Variants in GARRE1 observed in about 807,000 individuals in gnomAD.
The protein encoded by GARRE1 is granule associated Rac and RHOG effector protein 1.
A neutral mutation model predicts 103.2 loss-of-function variants in GARRE1; 49 were observed. The observed-to-expected ratio is 0.47, with a 90% CI of 0.38 to 0.60. The LOEUF (loss-of-function observed/expected upper bound fraction) is 0.60, where lower values mean the gene tolerates loss of function less well. GARRE1 is among the 20% of genes least tolerant of loss of function. The pLI, the probability that GARRE1 is intolerant of heterozygous loss-of-function variation, is 0.00. For missense variants in GARRE1, 1,199 were observed against 1,370.5 expected, an observed-to-expected ratio of 0.87 and a Z score of 1.98; for synonymous variants, 505 against 532.8, an observed-to-expected ratio of 0.95 and a Z score of 0.72.
At chr19:34,333,863 A>T in intron 8 of GARRE1, 62 bp downstream of exon 8, 3 of 996,858 alleles carry the variant, frequency 3.0e-6, no homozygotes, top group Non-Finnish European at 4.8e-6. Flanking sequence ...CATCTTTGAA[A>T]TGATGGCCTT....
chr19:34,298,605 G>GA (rs2145239038), intron 1 of GARRE1, among the ~76,000 whole-genome samples: 1 of 151,998 alleles, frequency 6.6e-6, no homozygotes, highest in South Asian at 2.1e-4. Context: ...AGCTACTCAG[G>GA]AGGCTGAGGC....
intron 7 of GARRE1, among the ~76,000 whole-genome samples, chr19:34,330,818 G>A (rs1022934975): frequency 2.1e-5 from 3 of 142,448 alleles, no homozygotes; most frequent in South Asian, 4.6e-4. Context: ...ATCTCAACTC[G>A]CCGCCTTCTG....
chr19:34,291,908 G>A (rs943205255), intron 1 of GARRE1, among the ~76,000 whole-genome samples: 1 of 149,426 alleles, frequency 6.7e-6, no homozygotes, highest in Non-Finnish European at 1.5e-5. Context: ...CGCCCAGGCT[G>A]GAGTACAGTG....
chr19:34,313,058 G>A (rs1239097659), intron 2 of GARRE1, among the ~76,000 whole-genome samples: 1 of 152,216 alleles, frequency 6.6e-6, no homozygotes, highest in Non-Finnish European at 1.5e-5. Context: ...GAGATGGGGA[G>A]TAGTGGGGAA....
At chr19:34,283,126 G>A (rs1232994426) in intron 1 of GARRE1, among the ~76,000 whole-genome samples, 2 of 152,190 alleles carry the variant, frequency 1.3e-5, no homozygotes, top group African/African-American at 2.4e-5. Flanking sequence ...CTGACAGTAG[G>A]ACTGCTTGCC....
intron 12 of GARRE1, among the ~76,000 whole-genome samples, 153 bp downstream of exon 12, chr19:34,349,306 A>G (rs891948654): frequency 6.6e-6 from 1 of 152,178 alleles, no homozygotes; most frequent in African/African-American, 2.4e-5. Flanking sequence ...AAGCCTCTGA[A>G]GAGCACCTGC....
chr19:34,340,063 T>G, intron 9 of GARRE1, 71 bp downstream of exon 9: 1 of 1,520,086 alleles, frequency 6.6e-7, no homozygotes, highest in Non-Finnish European at 9.1e-7. Flanking sequence ...CATGTGTGCT[T>G]GTGTCATTGA....
chr19:34,267,962 C>CG (rs1304458864), intron 1 of GARRE1, among the ~76,000 whole-genome samples: 2 of 151,536 alleles, frequency 1.3e-5, no homozygotes, highest in Non-Finnish European at 2.9e-5. Context: ...TTAGTAGAGA[C>CG]GGGGTTTCAC....
rs74177138 is a variant in GARRE1, at chr19:34,333,677, GTTTTTTTT to G, written c.1264-17_1264-10del. ...TCTCTCTGAAAGCTGGTTGTTATTT[GTTTTTTTT>G]TTTTTTTTTCGATCTTAGGTGGTGG... On this transcript the variant is annotated intron_variant, in intron 7 of 13. Transcript: ENST00000299505. The G allele has an allele frequency of 9.0e-4, 610 of 674,526 alleles. 7 individuals are homozygous for G. Among genetic ancestry groups the G allele is most frequent in the East Asian group, 3.1e-3 (113 of 36,664 alleles). The allele number at this position is 674,526 out of a possible 1,614,324, so 41.8% of individuals were successfully genotyped here.
intron 7 of GARRE1, 89 bp downstream of exon 7, chr19:34,330,436 T>C (rs574285383): frequency 5.2e-6 from 7 of 1,337,914 alleles, no homozygotes; most frequent in African/African-American, 4.3e-5. Flanking sequence ...TGTGAAAATA[T>C]TGAATAATTT....
At chr19:34,305,553 C>T (rs1206228554) in intron 2 of GARRE1, among the ~76,000 whole-genome samples, 1 of 152,194 alleles carries the variant, frequency 6.6e-6, no homozygotes, top group East Asian at 1.9e-4. Context: ...TCAGGACATG[C>T]TTGCAGGTAT....
Position 34,342,109 on chromosome 19 carries a change from G to A in GARRE1, c.2175G>A (p.Lys725=). 1 of 1,614,118 alleles carries A rather than the reference G, an allele frequency of 6.2e-7. No homozygotes were observed. The highest frequency in any genetic ancestry group is 8.5e-7 in the Non-Finnish European group (1 of 1,180,020). ...TGGCACCTCAGCAGCAGTCCCCAAA[G>A]CAGCAACAACCTCAAGTCCAATACT... ...PGLAPQQQSP[K]QQQPQVQYYQ... The change falls in exon 10 of 14, where the codon AAG becomes AAA. Residue 725 remains lysine, a synonymous_variant. Coordinates refer to ENST00000299505, the MANE Select transcript of GARRE1 (RefSeq NM_014686.5).
chr19:34,347,076 A>G (rs1051854420), intron 10 of GARRE1, among the ~76,000 whole-genome samples: 1 of 147,576 alleles, frequency 6.8e-6, no homozygotes, highest in Non-Finnish European at 1.5e-5. Context: ...GGTGCACACC[A>G]CCACACCCAA....
intron 2 of GARRE1, among the ~76,000 whole-genome samples, chr19:34,317,790 C>T (rs1208719660): frequency 2.6e-5 from 4 of 152,200 alleles, no homozygotes; most frequent in Middle Eastern, 3.2e-3. Context: ...GGATTGAATG[C>T]GCTAGCCCAT....
intron 7 of GARRE1, among the ~76,000 whole-genome samples, 187 bp from the exon 8 acceptor site, chr19:34,333,517 G>T (rs1238979922): frequency 6.6e-6 from 1 of 152,130 alleles, no homozygotes; most frequent in Non-Finnish European, 1.5e-5. Context: ...TTATTGAAAT[G>T]TTCTTAGTTT....
At chr19:34,264,565 AT>A (rs2073739970) in intron 1 of GARRE1, among the ~76,000 whole-genome samples, 1 of 151,936 alleles carries the variant, frequency 6.6e-6, no homozygotes, top group Non-Finnish European at 1.5e-5. Context: ...TGCCTGGCTA[AT>A]TTTTTGTATT....
Position 34,324,327 on chromosome 19 carries a change from C to G in GARRE1, c.706-3094C>G, listed in dbSNP as rs887913526. On this transcript the variant is annotated intron_variant, in intron 3 of 13. Transcript: ENST00000299505. ...TTTTACTGCACCTTGTGGCTCCTTA[C>G]TGCTCCTGGCACACCCCGTGGACAG... Among the ~76,000 whole-genome samples, 4 of 152,170 alleles carry G rather than the reference C, an allele frequency of 2.6e-5. No homozygotes were observed. In the South Asian group the frequency reaches 8.3e-4, roughly 31 times the overall value.
intron 7 of GARRE1, among the ~76,000 whole-genome samples, chr19:34,333,014 A>G (rs79176787): frequency 0.012 from 1,851 of 152,264 alleles, 46 homozygotes; most frequent in African/African-American, 0.041. Context: ...TGTCATGACA[A>G]ATGGGCTTAT....
intron 1 of GARRE1, among the ~76,000 whole-genome samples, chr19:34,275,525 T>A (rs1026551084): frequency 6.6e-6 from 1 of 152,188 alleles, no homozygotes; most frequent in Non-Finnish European, 1.5e-5. Context: ...CTTAGCATAA[T>A]GTTTTCAAGG....
Sources: allele counts gnomAD v4.1 joint callset (sites outside exome capture counted in the v4.1 genomes callset), GRCh38; gene constraint gnomAD v4.1.1; transcripts MANE v1.5; gene names NCBI Gene and HGNC (gene_info 2026-07-23, HGNC 2026-07-21).